Variants in OSBPL2 observed in about 807,000 individuals in gnomAD.
The protein encoded by OSBPL2 is oxysterol binding protein like 2.
OSBPL2 carries 18 observed loss-of-function variants against 58.4 expected under a neutral mutation model. The ratio of observed to expected loss-of-function variants is 0.31; its 90% CI spans 0.21 to 0.46. OSBPL2 has a LOEUF of 0.46. OSBPL2 is among the 20% of genes least tolerant of loss of function. The pLI is 1.00. For missense variants in OSBPL2, 461 were observed against 616.5 expected, an observed-to-expected ratio of 0.75 and a Z score of 2.67; for synonymous variants, 221 against 234.1, an observed-to-expected ratio of 0.94 and a Z score of 0.51.
At chr20:62,280,537 C>T (rs1601191780) in intron 7 of OSBPL2, among the ~76,000 whole-genome samples, 1 of 152,242 alleles carries the variant, frequency 6.6e-6, no homozygotes, top group Admixed American at 6.5e-5. Context: ...GGCTCCCCCA[C>T]GTAGCACCTT....
chr20:62,244,777 C>A (rs539507929), intron 1 of OSBPL2, among the ~76,000 whole-genome samples: 1 of 152,202 alleles, frequency 6.6e-6, no homozygotes, highest in African/African-American at 2.4e-5. Flanking sequence ...ACACTGGCCG[C>A]GAGGCCCAGT....
chr20:62,264,340 G>T (rs978257653), intron 4 of OSBPL2, among the ~76,000 whole-genome samples: 3 of 152,144 alleles, frequency 2.0e-5, no homozygotes, highest in Non-Finnish European at 4.4e-5. Context: ...AAACCAGCTG[G>T]GAATGAGCAC....
At chr20:62,256,650 A>G (rs895210692) in intron 2 of OSBPL2, among the ~76,000 whole-genome samples, 2 of 152,208 alleles carry the variant, frequency 1.3e-5, no homozygotes, top group African/African-American at 4.8e-5. Flanking sequence ...GATGGTTTAA[A>G]GTGGCGGCAT....
Position 62,292,322 on chromosome 20 carries a change from TACC to T in OSBPL2, c.1340+532_1340+534del, listed in dbSNP as rs1983574208. ...GTGGAGGCCACGCCTGTCACACCGA[TACC>T]ACATCTTCCTGTCAGTGCCACTCAG... On this transcript the variant is annotated intron_variant, in intron 13 of 13. Transcript: ENST00000313733. Among the ~76,000 whole-genome samples the T allele has an allele frequency of 2.0e-5, 3 of 152,356 alleles. 1 individual carries two copies. Among genetic ancestry groups the T allele is most frequent in the Non-Finnish European group, 1.5e-5 (1 of 68,030 alleles).
chr20:62,256,131 G>A lies in OSBPL2; in HGVS notation c.-54G>A, dbSNP rs1980905584. ...TACACTGTAGATGTGGATCAGATAC[G>A]ATGATTCAGTAGAAGAGCACATGTC... On this transcript the variant is annotated 5_prime_UTR_variant, in exon 2 of 14. Transcript: ENST00000313733. 3 of 1,589,202 alleles carry A rather than the reference G, an allele frequency of 1.9e-6. No homozygotes were observed. The highest frequency in any genetic ancestry group is 3.4e-5 in the Admixed American group (2 of 59,582).
At chr20:62,259,918 GAGGT>G in intron 2 of OSBPL2, 59 bp from the exon 3 acceptor site, 1 of 1,502,230 alleles carries the variant, frequency 6.7e-7, no homozygotes, top group Non-Finnish European at 9.2e-7. Flanking sequence ...AGAATTCTTG[GAGGT>G]AGGCTTTTAA....
chr20:62,255,526 CAG>C (rs1472945343), intron 1 of OSBPL2, among the ~76,000 whole-genome samples: 1 of 151,994 alleles, frequency 6.6e-6, no homozygotes, highest in Non-Finnish European at 1.5e-5. Context: ...TATTTCGAGA[CAG>C]AGTCTCATTT....
chr20:62,249,744 T>G (rs6089702), intron 1 of OSBPL2, among the ~76,000 whole-genome samples: 58,410 of 151,830 alleles, frequency 0.38, 12,699 homozygotes, highest in East Asian at 0.52. Flanking sequence ...CTGGCTAATT[T>G]TGTATTTTTA....
chr20:62,289,752 G>C (rs1005582043), intron 12 of OSBPL2, among the ~76,000 whole-genome samples: 1 of 151,926 alleles, frequency 6.6e-6, no homozygotes, highest in Non-Finnish European at 1.5e-5. Context: ...AAAAATACAA[G>C]AGATTAGGCG....
intron 2 of OSBPL2, among the ~76,000 whole-genome samples, chr20:62,259,516 G>A (rs763584908): frequency 6.6e-6 from 1 of 152,152 alleles, no homozygotes; most frequent in Non-Finnish European, 1.5e-5. Flanking sequence ...TGCGTGCCAC[G>A]ATGGTCTCCC....
intron 8 of OSBPL2, 47 bp from the exon 9 acceptor site, chr20:62,281,743 G>T (rs1419757203): frequency 7.0e-7 from 1 of 1,428,504 alleles, no homozygotes; most frequent in Admixed American, 1.7e-5. Context: ...ACCCTTTCCG[G>T]CTGTTTGCTG....
chr20:62,259,688 T>G (rs1981165335), intron 2 of OSBPL2, among the ~76,000 whole-genome samples: 2 of 152,126 alleles, frequency 1.3e-5, no homozygotes, highest in African/African-American at 4.8e-5. Context: ...AAAGGGTTCC[T>G]TCTGGAAGAT....
chr20:62,238,722 G>T (rs931976002), intron 1 of OSBPL2, 125 bp downstream of exon 1: 3 of 150,360 alleles, frequency 2.0e-5, no homozygotes, highest in Admixed American at 2.0e-4. Context: ...ACCCGGGTCC[G>T]CAGGCCGCCT....
chr20:62,253,459 T>C (rs2145924154), intron 1 of OSBPL2, among the ~76,000 whole-genome samples: 2 of 152,346 alleles, frequency 1.3e-5, no homozygotes, highest in South Asian at 4.1e-4. Flanking sequence ...TCCTCTTTCT[T>C]GTGGGAGCTT....
intron 7 of OSBPL2, chr20:62,280,118 G>A: frequency 7.7e-7 from 1 of 1,303,804 alleles, no homozygotes; most frequent in Non-Finnish European, 1.0e-6. Flanking sequence ...CACCAGTTCT[G>A]AGACGTGAGT....
intron 11 of OSBPL2, among the ~76,000 whole-genome samples, chr20:62,286,933 G>A (rs559696643): frequency 2.0e-5 from 3 of 152,354 alleles, no homozygotes; most frequent in East Asian, 3.9e-4. Context: ...CCTGCTGTTG[G>A]GGCTGGGCAC....
In OSBPL2 at chr20:62,294,068, C is replaced by T. The variant is rs556320299; in HGVS notation, c.*181C>T. On this transcript the variant is annotated 3_prime_UTR_variant, in exon 14 of 14. Transcript: ENST00000313733. ...ACTGTTGATTGCCAAACATTTCACT[C>T]TGCTGTGCCGTCTCTTCATAAAGCT... 2.0e-5 allele frequency: 16 copies of T among 784,586 alleles called. No homozygotes were observed. The highest frequency in any genetic ancestry group is 3.1e-5 in the Non-Finnish European group (16 of 515,042). 48.6% of individuals were successfully genotyped at this position (784,586 alleles called of 1,614,324 possible).
rs546959360 is a variant in OSBPL2, at chr20:62,279,003, C to T, written c.492-154C>T. ...GCCAACGTTAGGCCAAGTGCAATGT[C>T]GGAGAGGTGGTGTTGGGTGTTTCCG... On this transcript the variant is annotated intron_variant, in intron 6 of 13. Transcript: ENST00000313733. 194 of 612,950 alleles carry T rather than the reference C, an allele frequency of 3.2e-4. 3 individuals are homozygous for T. The South Asian group carries it at 3.2e-3, about 10-fold the overall frequency. 38.0% of individuals were successfully genotyped at this position (612,950 alleles called of 1,614,324 possible).
Position 62,279,296 on chromosome 20 carries a change from G to T in OSBPL2, c.631G>T (p.Val211Leu), listed in dbSNP as rs201837368. 2 of 1,614,242 alleles carry T rather than the reference G, an allele frequency of 1.2e-6. No homozygotes were observed. Among genetic ancestry groups the T allele is most frequent in the Non-Finnish European group, 1.7e-6 (2 of 1,180,050 alleles). Reference protein sequence around the residue: ...YPKLKFWGKSVEAEPRGTITL... With the variant: ...YPKLKFWGKSLEAEPRGTITL... The stretch of plus-strand genomic sequence containing the variant: ...CAAGCTCAAGTTCTGGGGCAAAAGC[G>T]TGGAGGCGGAGCCCCGAGGCACCAT... Residue 211 changes from valine (V) to leucine (L), a missense_variant, in exon 7 of 14, where the codon GTG (valine) becomes TTG (leucine). Val to Leu is a conservative substitution (Grantham distance 32, BLOSUM62 1). Transcript: ENST00000313733.
Sources: allele counts gnomAD v4.1 joint callset (sites outside exome capture counted in the v4.1 genomes callset), GRCh38; gene constraint gnomAD v4.1.1; transcripts MANE v1.5; gene names NCBI Gene and HGNC (gene_info 2026-07-23, HGNC 2026-07-21).